FAT4: variants seen among roughly 807,000 people sequenced by gnomAD.
FAT4 encodes the protein FAT atypical cadherin 4.
A neutral mutation model predicts 303.9 loss-of-function variants in FAT4; 84 were observed. The ratio of observed to expected loss-of-function variants is 0.28; its 90% CI spans 0.23 to 0.33. The LOEUF is 0.33. FAT4 is among the 10% of genes least tolerant of loss of function. The pLI, the probability that FAT4 is intolerant of heterozygous loss-of-function variation, is 1.00. For missense variants in FAT4, 6,005 were observed against 6,146.8 expected, an observed-to-expected ratio of 0.98 and a Z score of 0.77; for synonymous variants, 2,307 against 2,298.8, an observed-to-expected ratio of 1.00 and a Z score of -0.10.
At chr4:125,476,122 T>C in intron 12 of FAT4, 49 bp from the exon 13 acceptor site, 1 of 1,202,596 alleles carries the variant, frequency 8.3e-7, no homozygotes, top group Non-Finnish European at 1.2e-6. Context: ...GAAAGGCTAA[T>C]AGGGACGGTA....
intron 2 of FAT4, among the ~76,000 whole-genome samples, chr4:125,344,146 C>T (rs1731909239): frequency 6.6e-6 from 1 of 152,152 alleles, no homozygotes; most frequent in South Asian, 2.1e-4. Flanking sequence ...TTTTCCAAAG[C>T]ATATCCAAGA....
chr4:125,470,479 G>A (rs540870650), intron 12 of FAT4, among the ~76,000 whole-genome samples: 4 of 152,250 alleles, frequency 2.6e-5, no homozygotes, highest in Admixed American at 1.3e-4. Context: ...CTGTTCTTTA[G>A]TGTAACCACC....
chr4:125,441,298 A>G (rs1401479332), intron 8 of FAT4, among the ~76,000 whole-genome samples: 2 of 152,310 alleles, frequency 1.3e-5, no homozygotes, highest in East Asian at 1.9e-4. Flanking sequence ...TGATCCTTCA[A>G]TGATACTAAG....
intron 7 of FAT4, among the ~76,000 whole-genome samples, chr4:125,429,942 C>G (rs1041139253): frequency 4.6e-5 from 7 of 151,984 alleles, no homozygotes; most frequent in African/African-American, 1.7e-4. Context: ...CGGTGGGAAA[C>G]AGTAATACTC....
Position 125,451,182 on chromosome 4 carries a change from T to C in FAT4, c.10172T>C (p.Val3391Ala). 2 of 1,614,090 alleles carry C rather than the reference T, an allele frequency of 1.2e-6. No individual in the cohort carries two copies. The highest frequency in any genetic ancestry group is 1.1e-5 in the South Asian group (1 of 91,084). Residue 3391 changes from valine (V) to alanine (A), a missense_variant, in exon 10 of 18, where the codon GTC becomes GCC. Transcript: ENST00000394329. ...GSIRGADIDE[V>A]TVNVTVLDAN... Reference sequence around the variant, plus strand: ...ATTAGAGGTGCAGATATAGATGAGGTCACTGTAAATGTCACCGTGCTTGAT... The same window carrying C: ...ATTAGAGGTGCAGATATAGATGAGGCCACTGTAAATGTCACCGTGCTTGAT...
At position 125,416,601 on chromosome 4, in the gene FAT4, A is replaced by G. The variant is rs112817576; in HGVS notation, c.6997A>G (p.Met2333Val). 1.5e-5 allele frequency: 25 copies of G among 1,613,738 alleles called. No individual in the cohort carries two copies. The African/African-American group carries it at 2.3e-4, about 15-fold the overall frequency. Residue 2333 changes from methionine (M) to valine (V), a missense_variant, in exon 7 of 18, where the codon ATG becomes GTG. Coordinates refer to ENST00000394329, the MANE Select transcript of FAT4 (RefSeq NM_001291303.3). ...DRETKERFVL[M>V]ITATDSGSPA... Reference sequence around the variant, plus strand: ...GGAAACAAAAGAGCGCTTTGTCTTAATGATTACAGCTACAGATTCAGGTAA... The same window carrying G: ...GGAAACAAAAGAGCGCTTTGTCTTAGTGATTACAGCTACAGATTCAGGTAA...
At chr4:125,369,478 C>T (rs1358879293) in intron 2 of FAT4, among the ~76,000 whole-genome samples, 1 of 151,954 alleles carries the variant, frequency 6.6e-6, no homozygotes, top group Non-Finnish European at 1.5e-5. Context: ...AAAGAAATGG[C>T]CAAGAAGAAA....
chr4:125,340,239 A>T (rs893986191), intron 2 of FAT4, among the ~76,000 whole-genome samples: 3 of 152,168 alleles, frequency 2.0e-5, no homozygotes, highest in Non-Finnish European at 4.4e-5. Flanking sequence ...TCAAAACTTA[A>T]TGTACATGAG....
In FAT4 at chr4:125,468,740, G is replaced by A; in HGVS notation, c.12134G>A (p.Ser4045Asn). 1 of 1,614,172 alleles carries A rather than the reference G, an allele frequency of 6.2e-7. No homozygotes were observed. ...ERLRFSYNLG[S>N]GTYKLTTMKK... ...CTAAGATTCTCTTATAATTTAGGCA[G>A]TGGTACATATAAGCTCACCACCATG... Residue 4045 changes from serine to asparagine, a missense_variant, in exon 12 of 18, where the codon AGT becomes AAT. Transcript: ENST00000394329.
At position 125,315,692 on chromosome 4, in the gene FAT4, G is replaced by A. The variant is rs1730547417; in HGVS notation, c.-298G>A. Among the ~76,000 whole-genome samples the A allele has an allele frequency of 6.6e-6, 1 of 152,170 alleles. No homozygotes were observed. The highest frequency in any genetic ancestry group is 2.4e-5 in the African/African-American group (1 of 41,454). On this transcript the variant is annotated 5_prime_UTR_variant, in exon 1 of 18. Transcript: ENST00000394329. ...CGGCTGCAGGAGGGGAAGGGGCAGA[G>A]TTGAGCGCTCCCGGGTACGGGAGCC... is the stretch of plus-strand genomic sequence containing the variant.
At chr4:125,433,779 A>C (rs1725356765) in intron 7 of FAT4, among the ~76,000 whole-genome samples, 1 of 152,196 alleles carries the variant, frequency 6.6e-6, no homozygotes, top group African/African-American at 2.4e-5. Flanking sequence ...TAAATACCTC[A>C]GAGACTCTGG....
Position 125,491,940 on chromosome 4 carries a change from T to C in FAT4, c.*172T>C. 1.6e-6 allele frequency: 1 copy of C among 627,004 alleles called. No individual in the cohort carries two copies. The highest frequency in any genetic ancestry group is 2.7e-6 in the Non-Finnish European group (1 of 376,486). 38.8% of individuals were successfully genotyped at this position (627,004 alleles called of 1,614,324 possible). ...GCTGCTGAAACAGACTCACAACAACTCTTAATTTAAACATGTGTGGTTGAA... is the reference window on the plus strand; with the variant it reads ...GCTGCTGAAACAGACTCACAACAACCCTTAATTTAAACATGTGTGGTTGAA... On this transcript the variant is annotated 3_prime_UTR_variant, in exon 18 of 18. Transcript: ENST00000394329.
intron 11 of FAT4, among the ~76,000 whole-genome samples, chr4:125,467,190 A>T (rs1578678686): frequency 6.6e-6 from 1 of 152,216 alleles, no homozygotes; most frequent in South Asian, 2.1e-4. Context: ...TTTTAATTTT[A>T]AAAATGTTCT....
chr4:125,322,681 T>TG, intron 2 of FAT4, among the ~76,000 whole-genome samples: 1 of 151,984 alleles, frequency 6.6e-6, no homozygotes, highest in African/African-American at 2.4e-5. Context: ...TTTTCTTTTT[T>TG]GGGGGGAGGA....
rs1162622852 is a variant in FAT4 at position 125,317,775 on chromosome 4, G to A, written c.1364G>A (p.Arg455His). 1.2e-6 allele frequency: 2 copies of A among 1,614,150 alleles called. No homozygotes were observed. The highest frequency in any genetic ancestry group is 1.7e-6 in the Non-Finnish European group (2 of 1,180,034). Residue 455 changes from arginine (R) to histidine (H), a missense_variant, in exon 2 of 18, where the codon CGC (arginine) becomes CAC (histidine). By Grantham distance (29) the Arg-to-His change is conservative. Coordinates refer to ENST00000394329, the MANE Select transcript of FAT4 (RefSeq NM_001291303.3). The surrounding 1 kb of genome is among the most constrained non-coding windows in gnomAD (Gnocchi z 7.0). ...GAPPGAAVQA[R>H]SSVASLVIFV... ...CCCCCTGGCGCAGCAGTCCAGGCGC[G>A]CTCTTCTGTGGCAAGCCTGGTGATT...
rs73845980 is a variant in FAT4, at chr4:125,336,316, T to A, written c.5175+14730T>A. 8.6e-3 allele frequency among the ~76,000 whole-genome samples: 1,311 copies of A among 152,160 alleles called. 17 individuals are homozygous for A. Among genetic ancestry groups the A allele is most frequent in the African/African-American group, 0.03 (1,239 of 41,570 alleles). On this transcript the variant is annotated intron_variant, in intron 2 of 17. Transcript: ENST00000394329. The stretch of plus-strand genomic sequence containing the variant: ...AATTTTTAAACATTGATTTTGCATT[T>A]ATTTATTTTAAGTAAACTACAGAAT...
At chr4:125,412,097 G>A (rs951694282) in intron 5 of FAT4, among the ~76,000 whole-genome samples, 3 of 151,708 alleles carry the variant, frequency 2.0e-5, no homozygotes, top group Non-Finnish European at 4.4e-5. Flanking sequence ...TGTGTTTACT[G>A]TCTCATGGTT....
intron 2 of FAT4, among the ~76,000 whole-genome samples, chr4:125,395,676 T>C (rs1396737550): frequency 1.3e-5 from 2 of 152,110 alleles, no homozygotes; most frequent in Non-Finnish European, 2.9e-5. Context: ...GATAGCCTGA[T>C]TTATTAAATA....
chr4:125,360,575 G>C (rs1732614516), intron 2 of FAT4, among the ~76,000 whole-genome samples: 2 of 152,126 alleles, frequency 1.3e-5, no homozygotes, highest in South Asian at 4.1e-4. Flanking sequence ...CTAAGGACCT[G>C]AGTAAACAGT....
Sources: allele counts gnomAD v4.1 joint callset (sites outside exome capture counted in the v4.1 genomes callset), GRCh38; gene constraint gnomAD v4.1.1; non-coding constraint Gnocchi (gnomAD v3.1); transcripts MANE v1.5; gene names NCBI Gene and HGNC (gene_info 2026-07-23, HGNC 2026-07-21).